Variants in UNC5C observed in about 807,000 individuals in gnomAD.
UNC5C encodes unc-5 netrin receptor C.
UNC5C carries 47 observed loss-of-function variants against 99.8 expected under a neutral mutation model. The observed-to-expected ratio is 0.47, with a 90% CI of 0.37 to 0.60. The LOEUF (loss-of-function observed/expected upper bound fraction) is 0.60, where lower values mean the gene tolerates loss of function less well. Among genes scored for constraint, UNC5C ranks in the 20% least tolerant of loss-of-function variants. UNC5C has a pLI of 0.00. For synonymous variants in UNC5C, 487 were observed against 452.2 expected (o/e 1.08, Z -0.98); for missense variants, 1,062 against 1,165.9 (o/e 0.91, Z 1.30).
At chr4:95,542,244 G>A (rs894945797) in intron 1 of UNC5C, among the ~76,000 whole-genome samples, 1 of 152,036 alleles carries the variant, frequency 6.6e-6, no homozygotes, top group Admixed American at 6.6e-5. Flanking sequence ...AGTTTCACCC[G>A]GCTCCCCTCA....
chr4:95,412,498 G>A (rs542871079), intron 1 of UNC5C, among the ~76,000 whole-genome samples: 108 of 152,174 alleles, frequency 7.1e-4, no homozygotes, highest in Non-Finnish European at 1.1e-3. Flanking sequence ...TTCAAGTATT[G>A]AGAGCTGTGC....
At chr4:95,424,641 C>T (rs1174451656) in intron 1 of UNC5C, among the ~76,000 whole-genome samples, 3 of 150,688 alleles carry the variant, frequency 2.0e-5, no homozygotes, top group South Asian at 4.2e-4. Flanking sequence ...CCTGCCTCAG[C>T]CTCCCGAGTA....
chr4:95,206,603 C>T lies in UNC5C; in HGVS notation c.1902+25G>A, dbSNP rs775053145. On this transcript the variant is annotated intron_variant, in intron 11 of 15. Transcript: ENST00000453304. ...ATCTGCATGGATTATTCTTGCATAG[C>T]ATCTTTATCCCGACAGCAGCTCACC... The T allele has an allele frequency of 6.2e-6, 10 of 1,613,568 alleles. No homozygotes were observed. In the East Asian group the frequency reaches 1.1e-4, roughly 18 times the overall value.
At chr4:95,259,796 G>C (rs1396788200) in intron 4 of UNC5C, among the ~76,000 whole-genome samples, 1 of 152,044 alleles carries the variant, frequency 6.6e-6, no homozygotes, top group Non-Finnish European at 1.5e-5. Flanking sequence ...TATCATACTT[G>C]GTAATGAGGC....
At chr4:95,292,253 ATATATATATATAT>A (rs1741497927) in intron 3 of UNC5C, among the ~76,000 whole-genome samples, 7 of 145,344 alleles carry the variant, frequency 4.8e-5, no homozygotes, top group African/African-American at 7.5e-5. Flanking sequence ...ATATATATAT[ATATATATATATAT>A]AAATTTTTTT....
intron 1 of UNC5C, among the ~76,000 whole-genome samples, chr4:95,531,100 G>A (rs1722631600): frequency 6.6e-6 from 1 of 152,164 alleles, no homozygotes; most frequent in Non-Finnish European, 1.5e-5. Flanking sequence ...GTATTTAGGT[G>A]TATGGAAGAA....
At chr4:95,545,383 AT>A (rs1282326203) in intron 1 of UNC5C, among the ~76,000 whole-genome samples, 1 of 152,220 alleles carries the variant, frequency 6.6e-6, no homozygotes, top group African/African-American at 2.4e-5. Flanking sequence ...CTTATTGCAT[AT>A]TCCTAATGTG....
At chr4:95,256,427 AC>A (rs1389318389) in intron 4 of UNC5C, among the ~76,000 whole-genome samples, 1 of 151,918 alleles carries the variant, frequency 6.6e-6, no homozygotes, top group Non-Finnish European at 1.5e-5. Context: ...AGTGTTGACC[AC>A]TTTTTTCCTC....
intron 1 of UNC5C, among the ~76,000 whole-genome samples, chr4:95,529,252 T>C (rs1360037272): frequency 6.7e-6 from 1 of 149,372 alleles, no homozygotes; most frequent in Non-Finnish European, 1.5e-5. Flanking sequence ...TGAATTGTGA[T>C]TTGAGAGAAT....
chr4:95,183,703 G>GAAAGA (rs1736710870), intron 13 of UNC5C, among the ~76,000 whole-genome samples: 1 of 26,896 alleles, frequency 3.7e-5, no homozygotes, highest in African/African-American at 6.1e-5. Flanking sequence ...TTCAATAAAG[G>GAAAGA]AAAGAAAAGG....
At chr4:95,434,094 G>T (rs1442952580) in intron 1 of UNC5C, among the ~76,000 whole-genome samples, 1 of 152,024 alleles carries the variant, frequency 6.6e-6, no homozygotes, top group African/African-American at 2.4e-5. Flanking sequence ...TTTAATGTCT[G>T]TGTGCTTTGT....
chr4:95,242,828 G>A (rs966676738), intron 6 of UNC5C, among the ~76,000 whole-genome samples: 10 of 152,280 alleles, frequency 6.6e-5, no homozygotes, highest in African/African-American at 1.4e-4. Context: ...GAGGCTGACT[G>A]AGACATACAA....
intron 1 of UNC5C, among the ~76,000 whole-genome samples, chr4:95,366,003 G>C (rs938388586): frequency 4.0e-5 from 6 of 151,784 alleles, no homozygotes; most frequent in Non-Finnish European, 5.9e-5. Context: ...CATTTGAAGA[G>C]AAATTAAATT....
chr4:95,438,686 T>C (rs566647366), intron 1 of UNC5C, among the ~76,000 whole-genome samples: 1 of 152,156 alleles, frequency 6.6e-6, no homozygotes, highest in Non-Finnish European at 1.5e-5. Flanking sequence ...ACATAGTTCC[T>C]GCAGATAAGG....
intron 1 of UNC5C, among the ~76,000 whole-genome samples, chr4:95,344,203 A>G (rs929547336): frequency 2.6e-5 from 4 of 152,124 alleles, no homozygotes; most frequent in Non-Finnish European, 5.9e-5. Context: ...CAGCAAGAGA[A>G]AAAAACAACA....
intron 1 of UNC5C, among the ~76,000 whole-genome samples, chr4:95,491,930 G>T (rs959816518): frequency 6.6e-6 from 1 of 151,414 alleles, no homozygotes; most frequent in Admixed American, 6.6e-5. Flanking sequence ...GACCATTTTG[G>T]CTTATATCAA....
chr4:95,191,794 C>T (rs776619306), intron 12 of UNC5C, among the ~76,000 whole-genome samples: 15 of 146,150 alleles, frequency 1.0e-4, no homozygotes, highest in Non-Finnish European at 1.8e-4. Flanking sequence ...CACCTTCCTC[C>T]CTTCTCACCT....
intron 1 of UNC5C, among the ~76,000 whole-genome samples, chr4:95,344,013 G>A (rs926682365): frequency 6.6e-6 from 1 of 151,954 alleles, no homozygotes; most frequent in African/African-American, 2.4e-5. Flanking sequence ...GAGATATAAA[G>A]GTAGAAAGTT....
rs139079687 is a variant in UNC5C, at chr4:95,274,692, T to C, written c.594+3567A>G. Among the ~76,000 whole-genome samples, 12 of 152,192 alleles carry C rather than the reference T, an allele frequency of 7.9e-5. No individual in the cohort carries two copies. The East Asian group carries it at 2.1e-3, about 27-fold the overall frequency. ...AAATATAAGGGCTGGTCTAGTGTCC[T>C]GAGTTGATAAGGACTGAATGAACAA... On this transcript the variant is annotated intron_variant, in intron 4 of 15. Transcript: ENST00000453304.
Sources: gnomAD v4.1 joint callset for allele counts (sites outside exome capture counted in the v4.1 genomes callset) on GRCh38, gnomAD v4.1.1 for gene constraint, MANE v1.5 for transcripts, NCBI Gene and HGNC (gene_info 2026-07-23, HGNC 2026-07-21) for gene names.